SIK3: variants seen among roughly 807,000 people sequenced by gnomAD.
The protein encoded by SIK3 is SIK family kinase 3.
SIK3 carries 28 observed loss-of-function variants against 144.2 expected under a neutral mutation model. That is an observed-to-expected ratio of 0.19 (90% confidence interval 0.14 to 0.27). The LOEUF (loss-of-function observed/expected upper bound fraction) is 0.27, where lower values mean the gene tolerates loss of function less well. Among genes scored for constraint, SIK3 ranks in the 10% least tolerant of loss-of-function variants. The probability of loss-of-function intolerance (pLI) is 1.00; values close to 1 mark genes in which losing one functional copy is unlikely to be tolerated. For synonymous variants in SIK3, 686 were observed against 676.3 expected, an observed-to-expected ratio of 1.01 and a Z score of -0.22; for missense variants, 1,319 against 1,776.0, an observed-to-expected ratio of 0.74 and a Z score of 4.62.
intron 1 of SIK3, among the ~76,000 whole-genome samples, chr11:117,088,313 C>A (rs879738040): frequency 1.3e-5 from 2 of 152,168 alleles, no homozygotes; most frequent in Non-Finnish European, 2.9e-5. Flanking sequence ...ATACACTGAT[C>A]TTCCTAATAG....
At chr11:117,029,757 G>A (rs1307416524) in intron 1 of SIK3, among the ~76,000 whole-genome samples, 1 of 152,064 alleles carries the variant, frequency 6.6e-6, no homozygotes, top group East Asian at 1.9e-4. Flanking sequence ...CAGTGGAGAT[G>A]AAGTTAGTGT....
At chr11:117,082,806 G>A (rs1260905528) in intron 1 of SIK3, among the ~76,000 whole-genome samples, 2 of 152,128 alleles carry the variant, frequency 1.3e-5, no homozygotes, top group Non-Finnish European at 2.9e-5. Context: ...ATAAATTAAA[G>A]AGAAACTGGA....
chr11:117,010,416 G>T (rs1275549961), intron 1 of SIK3, among the ~76,000 whole-genome samples: 2 of 152,180 alleles, frequency 1.3e-5, no homozygotes, highest in African/African-American at 4.8e-5. Flanking sequence ...CGATAAGCCA[G>T]GGAGGACTAG....
At chr11:117,003,422 T>A (rs765644871) in intron 1 of SIK3, among the ~76,000 whole-genome samples, 18 of 152,022 alleles carry the variant, frequency 1.2e-4, no homozygotes, top group Non-Finnish European at 2.5e-4. Context: ...TTTTCTAGTA[T>A]AAAATGAGGG....
At chr11:116,949,214 G>C (rs1179801486) in intron 3 of SIK3, among the ~76,000 whole-genome samples, 1 of 152,158 alleles carries the variant, frequency 6.6e-6, no homozygotes, top group African/African-American at 2.4e-5. Context: ...CCAGCTAAAA[G>C]CTAGATTCTT....
chr11:117,086,047 A>C (rs1565629440), intron 1 of SIK3, among the ~76,000 whole-genome samples: 1 of 152,220 alleles, frequency 6.6e-6, no homozygotes, highest in East Asian at 1.9e-4. Context: ...AACTAAGCAC[A>C]TCATAACCAA....
intron 1 of SIK3, among the ~76,000 whole-genome samples, chr11:116,978,525 G>A (rs1210505344): frequency 1.3e-5 from 2 of 151,148 alleles, no homozygotes; most frequent in Admixed American, 6.6e-5. Context: ...TTTTTTTGAG[G>A]CAGGGTCTCA....
At chr11:117,095,221 G>A (rs898921413) in intron 1 of SIK3, among the ~76,000 whole-genome samples, 5 of 150,632 alleles carry the variant, frequency 3.3e-5, no homozygotes, top group African/African-American at 1.2e-4. Flanking sequence ...AAAAAGGAGG[G>A]GGATCATAAT....
intron 1 of SIK3, among the ~76,000 whole-genome samples, chr11:116,997,558 CATTT>C (rs1190852702): frequency 6.6e-6 from 1 of 152,062 alleles, no homozygotes; most frequent in Non-Finnish European, 1.5e-5. Flanking sequence ...AAGAAGCAAA[CATTT>C]ATTAATTTAT....
At chr11:116,850,595 G>A (rs561039286) in intron 21 of SIK3, among the ~76,000 whole-genome samples, 1 of 152,160 alleles carries the variant, frequency 6.6e-6, no homozygotes, top group Non-Finnish European at 1.5e-5. Context: ...GTTCAATTAT[G>A]TACTTAATCA....
At position 116,869,741 on chromosome 11, in the gene SIK3, C is replaced by A. The variant is rs149651905; in HGVS notation, c.1808+590G>T. ...AACAGTACAGCATGCCTGATGGTCACTGCCGTTCTCTGTGAGTTAGGCATC... is the reference window on the plus strand; with the variant it reads ...AACAGTACAGCATGCCTGATGGTCAATGCCGTTCTCTGTGAGTTAGGCATC... On this transcript the variant is annotated intron_variant, in intron 14 of 24. Transcript: ENST00000445177. 14 of 232,644 alleles carry A rather than the reference C, an allele frequency of 6.0e-5. No individual in the cohort carries two copies. The East Asian group carries it at 1.6e-3, about 27-fold the overall frequency. 14.4% of individuals were successfully genotyped at this position (232,644 alleles called of 1,614,324 possible). A position where few individuals can be genotyped will look rare whatever the true frequency, so the allele number is the denominator to read the frequency against.
At chr11:116,961,304 A>G (rs777945239) in intron 1 of SIK3, among the ~76,000 whole-genome samples, 4 of 152,242 alleles carry the variant, frequency 2.6e-5, no homozygotes, top group African/African-American at 9.6e-5. Context: ...CTCCTACCTT[A>G]GCTGCAAACT....
chr11:116,897,055 C>A, intron 5 of SIK3, 138 bp downstream of exon 5: 6 of 741,868 alleles, frequency 8.1e-6, no homozygotes, highest in Non-Finnish European at 1.2e-5. Flanking sequence ...AGGCTTTGCA[C>A]AGGAATTGGG....
rs779327682 is a variant in SIK3 at position 117,098,290 on chromosome 11, G to A, written c.126C>T (p.Ser42=). Residue 42 remains serine (S), a synonymous_variant, in exon 1 of 25, where the codon TCC becomes TCT. Transcript: ENST00000445177. ...GGGGACGCGGCTGGCCGGCCGCAGG[G>A]GACACGGCAGCGGGGGCGGCTGGGG... ...PGSPAAPAAV[S]PAAGQPRPPA... 32 of 1,246,288 alleles carry A rather than the reference G, an allele frequency of 2.6e-5. No individual in the cohort carries two copies. The highest frequency in any genetic ancestry group is 3.6e-5 in the Admixed American group (1 of 27,516). 77.2% of individuals were successfully genotyped at this position (1,246,288 alleles called of 1,614,324 possible). A position where few individuals can be genotyped will look rare whatever the true frequency, so the allele number is the denominator to read the frequency against.
chr11:117,048,201 A>T (rs1953050553), intron 1 of SIK3, among the ~76,000 whole-genome samples: 1 of 152,268 alleles, frequency 6.6e-6, no homozygotes, highest in Admixed American at 6.5e-5. Flanking sequence ...ACAAGCATAC[A>T]GGTTAACTTG....
intron 1 of SIK3, among the ~76,000 whole-genome samples, chr11:117,010,837 A>T (rs1951221791): frequency 6.6e-6 from 1 of 152,220 alleles, no homozygotes; most frequent in Non-Finnish European, 1.5e-5. Context: ...GACAAAATGT[A>T]GGCCAGGCAC....
intron 1 of SIK3, among the ~76,000 whole-genome samples, chr11:116,989,749 A>T (rs1950439795): frequency 6.6e-6 from 1 of 152,326 alleles, no homozygotes; most frequent in South Asian, 2.1e-4. Context: ...CTTCCAAATT[A>T]AAAATATCAG....
chr11:116,909,814 G>C (rs1263776731), intron 4 of SIK3, among the ~76,000 whole-genome samples: 2 of 152,196 alleles, frequency 1.3e-5, no homozygotes, highest in Non-Finnish European at 2.9e-5. Context: ...GAGCGATACA[G>C]TTTGAAATAG....
chr11:116,849,004 A>G lies in SIK3; in HGVS notation c.3819+116T>C, dbSNP rs979488933. The G allele has an allele frequency of 4.2e-6, 5 of 1,186,724 alleles. No homozygotes were observed. Among genetic ancestry groups the G allele is most frequent in the Non-Finnish European group, 5.7e-6 (5 of 877,562 alleles). The allele number at this position is 1,186,724 out of a possible 1,614,324, so 73.5% of individuals were successfully genotyped here. A position where few individuals can be genotyped will look rare whatever the true frequency, so the allele number is the denominator to read the frequency against. On this transcript the variant is annotated intron_variant, in intron 22 of 24. Transcript: ENST00000445177. The surrounding 1 kb of genome is among the most constrained non-coding windows in gnomAD (Gnocchi z 4.2). ...GAAATGCTCCCCACCGTTTCCAGAA[A>G]GGCTGAATGCTGACTGAGGAGAGCG...
Sources: gnomAD v4.1 joint callset for allele counts (sites outside exome capture counted in the v4.1 genomes callset) on GRCh38, gnomAD v4.1.1 for gene constraint, Gnocchi (gnomAD v3.1) non-coding constraint, MANE v1.5 for transcripts, NCBI Gene and HGNC (gene_info 2026-07-23, HGNC 2026-07-21) for gene names.